The following JADE2 variants were observed in gnomAD, a reference collection of about 807,000 sequenced individuals.
JADE2 encodes E3 ubiquitin-protein ligase Jade-2.
In JADE2, 13 loss-of-function variants were observed where a neutral mutation model predicts 85.7. The ratio of observed to expected loss-of-function variants is 0.15; its 90% CI spans 0.10 to 0.24. The LOEUF (loss-of-function observed/expected upper bound fraction) is 0.24, where lower values mean the gene tolerates loss of function less well. JADE2 is among the 10% of genes least tolerant of loss of function. JADE2 has a pLI of 1.00. For missense variants in JADE2, 846 were observed against 1,115.9 expected, an observed-to-expected ratio of 0.76 and a Z score of 3.45; for synonymous variants, 440 against 456.1, an observed-to-expected ratio of 0.96 and a Z score of 0.45.
At chr5:134,528,405 AC>A (rs1232548434) in intron 1 of JADE2, among the ~76,000 whole-genome samples, 2 of 152,070 alleles carry the variant, frequency 1.3e-5, no homozygotes, top group South Asian at 4.1e-4. Context: ...ACGGGCTGGG[AC>A]TCGCAGAGCC....
At chr5:134,547,202 T>C (rs1399800378) in intron 3 of JADE2, among the ~76,000 whole-genome samples, 1 of 152,240 alleles carries the variant, frequency 6.6e-6, no homozygotes, top group Non-Finnish European at 1.5e-5. Context: ...GATGTGTTTC[T>C]GGAGAAGCGT....
chr5:134,567,671 T>C (rs1312541859), intron 9 of JADE2, among the ~76,000 whole-genome samples: 2 of 152,086 alleles, frequency 1.3e-5, no homozygotes, highest in Non-Finnish European at 2.9e-5. Flanking sequence ...GGCTGTAAAA[T>C]GGGTAGAACA....
intron 2 of JADE2, among the ~76,000 whole-genome samples, chr5:134,537,095 C>T (rs1581401133): frequency 1.3e-5 from 2 of 152,326 alleles, no homozygotes; most frequent in East Asian, 3.9e-4. Context: ...CTGCCTGTGG[C>T]CTGGCTCAGT....
chr5:134,573,119 C>A (rs1764142216), intron 9 of JADE2, among the ~76,000 whole-genome samples: 1 of 152,216 alleles, frequency 6.6e-6, no homozygotes, highest in African/African-American at 2.4e-5. Flanking sequence ...AGTACCGGGG[C>A]CATTTGTGGC....
At chr5:134,548,360 T>C (rs1219638523) in intron 3 of JADE2, among the ~76,000 whole-genome samples, 6 of 152,206 alleles carry the variant, frequency 3.9e-5, no homozygotes, top group Non-Finnish European at 5.9e-5. Context: ...GGTGATTTAA[T>C]TAACCCGAGT....
At chr5:134,544,394 G>A (rs1459984867) in intron 3 of JADE2, 1 of 166,490 alleles carries the variant, frequency 6.0e-6, no homozygotes, top group Non-Finnish European at 1.5e-5. Flanking sequence ...GGCTTTGCCC[G>A]AGGACATCTG....
chr5:134,527,082 A>T (rs1478354691), intron 1 of JADE2, among the ~76,000 whole-genome samples: 4 of 152,060 alleles, frequency 2.6e-5, no homozygotes, highest in Non-Finnish European at 5.9e-5. Flanking sequence ...GGACGCACAC[A>T]CCTGACTCTC....
intron 3 of JADE2, among the ~76,000 whole-genome samples, chr5:134,540,131 G>A (rs979119011): frequency 5.3e-5 from 8 of 152,104 alleles, no homozygotes; most frequent in East Asian, 3.8e-4. Context: ...GTGCTTAAGC[G>A]CAGCCAAGGA....
chr5:134,527,142 C>A (rs1280943828), intron 1 of JADE2, among the ~76,000 whole-genome samples: 1 of 151,872 alleles, frequency 6.6e-6, no homozygotes, highest in Middle Eastern at 3.2e-3. Context: ...GCTGCAGTCC[C>A]TTTGCCGGAT....
intron 3 of JADE2, among the ~76,000 whole-genome samples, chr5:134,539,283 T>C (rs1280199130): frequency 1.3e-5 from 2 of 152,150 alleles, no homozygotes; most frequent in African/African-American, 2.4e-5. Flanking sequence ...CAGGATGGTC[T>C]CGACCTCCTG....
rs1162222344 is a variant in JADE2, at chr5:134,566,678, A to G, written c.1434+98A>G. 2.1e-6 allele frequency: 2 copies of G among 933,386 alleles called. No individual in the cohort carries two copies. Among genetic ancestry groups the G allele is most frequent in the East Asian group, 2.6e-5 (1 of 37,764 alleles). The allele number at this position is 933,386 out of a possible 1,614,324, so 57.8% of individuals were successfully genotyped here. Reference sequence around the variant, plus strand: ...CCTGGAGCAGCTAGGACTCACCAGGACTCAAACTGTGAGCTCTGGTGGACC... The same window carrying G: ...CCTGGAGCAGCTAGGACTCACCAGGGCTCAAACTGTGAGCTCTGGTGGACC... On this transcript the variant is annotated intron_variant, in intron 9 of 11. Transcript: ENST00000681547. The surrounding 1 kb of genome is among the most constrained non-coding windows in gnomAD (Gnocchi z 6.7).
Position 134,579,275 on chromosome 5 carries a change from A to G in JADE2, c.2463A>G (p.Ala821=). 2 of 1,613,120 alleles carry G rather than the reference A, an allele frequency of 1.2e-6. No homozygotes were observed. Among genetic ancestry groups the G allele is most frequent in the South Asian group, 1.1e-5 (1 of 91,058 alleles). ...GGGTGCAGCGGGGTCCCCGGGAGGC[A>G]GGGGCAGAGGAGGTGGTCCGCATGG... ...DGGVQRGPRE[A]GAEEVVRMGV... is the part of the protein sequence containing the mutation. The change falls in exon 12 of 12, where the codon GCA becomes GCG. Residue 821 remains alanine (A), a synonymous_variant. Coordinates refer to ENST00000681547, the MANE Select transcript of JADE2 (RefSeq NM_001388185.1). This position sits in a 1 kb window ranked among gnomAD's most constrained non-coding sequence, Gnocchi z 4.6.
In JADE2 at chr5:134,578,522, T is replaced by C. The variant is rs115596967; in HGVS notation, c.1710T>C (p.Asp570=). 5.0e-5 allele frequency: 80 copies of C among 1,597,564 alleles called. 1 individual carries two copies. Among genetic ancestry groups the C allele is most frequent in the South Asian group, 3.6e-4 (32 of 89,646 alleles). ...GCCTGTCCACCTCATTCCCCATCGA[T>C]GGCACCTTCTTCAACAGCTGGCTGG... is the stretch of plus-strand genomic sequence containing the variant. The part of the protein sequence containing the change: ...LAGLSTSFPI[D]GTFFNSWLAQ... The change falls in exon 12 of 12, where the codon GAT becomes GAC. Residue 570 remains aspartate, a synonymous_variant. Coordinates refer to ENST00000681547, the MANE Select transcript of JADE2 (RefSeq NM_001388185.1). The surrounding 1 kb of genome is among the most constrained non-coding windows in gnomAD (Gnocchi z 4.4).
At chr5:134,536,830 C>T (rs1277479927) in intron 2 of JADE2, 1 of 152,268 alleles carries the variant, frequency 6.6e-6, no homozygotes, top group Non-Finnish European at 1.5e-5. Flanking sequence ...CCTGTTTCTT[C>T]ACACTTATGA....
intron 3 of JADE2, among the ~76,000 whole-genome samples, chr5:134,547,783 C>T (rs1274846482): frequency 6.6e-6 from 1 of 152,236 alleles, no homozygotes; most frequent in Non-Finnish European, 1.5e-5. Flanking sequence ...CAAGATTTCT[C>T]AGCACCTAGC....
chr5:134,548,446 A>G (rs867266491), intron 3 of JADE2, among the ~76,000 whole-genome samples: 11 of 152,130 alleles, frequency 7.2e-5, no homozygotes, highest in Non-Finnish European at 1.0e-4. Context: ...CTAATAATAG[A>G]TTAATTCAGG....
intron 9 of JADE2, among the ~76,000 whole-genome samples, chr5:134,570,169 G>A (rs1763902590): frequency 6.6e-6 from 1 of 152,148 alleles, no homozygotes. Context: ...ATAGCGCTGA[G>A]CAGGGCAGTC....
At chr5:134,544,148 G>C (rs1016713959) in intron 3 of JADE2, among the ~76,000 whole-genome samples, 2 of 152,262 alleles carry the variant, frequency 1.3e-5, no homozygotes, top group African/African-American at 4.8e-5. Flanking sequence ...TTTTCAGGAA[G>C]TCAGAGTCCC....
intron 3 of JADE2, among the ~76,000 whole-genome samples, chr5:134,538,546 C>T (rs748734016): frequency 1.6e-4 from 24 of 152,138 alleles, no homozygotes; most frequent in Non-Finnish European, 3.4e-4. Flanking sequence ...GTCATAGGTT[C>T]CTTATACCCA....
Sources: gnomAD v4.1 joint callset for allele counts (sites outside exome capture counted in the v4.1 genomes callset) on GRCh38, gnomAD v4.1.1 for gene constraint, Gnocchi (gnomAD v3.1) non-coding constraint, MANE v1.5 for transcripts, NCBI Gene and HGNC (gene_info 2026-07-23, HGNC 2026-07-21) for gene names.